RPTOR: variants seen among roughly 807,000 people sequenced by gnomAD.
RPTOR encodes regulatory-associated protein of mTOR.
A neutral mutation model predicts 169.9 loss-of-function variants in RPTOR; 21 were observed. The observed-to-expected ratio is 0.12, with a 90% CI of 0.09 to 0.18. The LOEUF (loss-of-function observed/expected upper bound fraction) is 0.18, where lower values mean the gene tolerates loss of function less well. RPTOR is among the 10% of genes least tolerant of loss of function. The pLI is 1.00. For missense variants in RPTOR, 1,133 were observed against 1,855.9 expected (o/e 0.61, Z 7.16); for synonymous variants, 732 against 753.2 (o/e 0.97, Z 0.46).
intron 17 of RPTOR, among the ~76,000 whole-genome samples, chr17:80,886,942 T>C (rs545341466): frequency 6.6e-6 from 1 of 152,312 alleles, no homozygotes; most frequent in Non-Finnish European, 1.5e-5. Context: ...GGAGAAATAC[T>C]GCCTGGAGTG....
At position 80,604,454 on chromosome 17, in the gene RPTOR, C is replaced by T. The variant is rs562607440; in HGVS notation, c.163-21237C>T. On this transcript the variant is annotated intron_variant, in intron 1 of 33. Coordinates refer to ENST00000306801, the MANE Select transcript of RPTOR (RefSeq NM_020761.3). Reference sequence around the variant, plus strand: ...CATAAATGTAGATAGTATCTTTGGACAAAATAATGAGTTAGTCTTTTGATG... The same window carrying T: ...CATAAATGTAGATAGTATCTTTGGATAAAATAATGAGTTAGTCTTTTGATG... 6.6e-5 allele frequency among the ~76,000 whole-genome samples: 10 copies of T among 152,220 alleles called. No individual in the cohort carries two copies. In the East Asian group the frequency reaches 1.7e-3, roughly 26 times the overall value.
intron 24 of RPTOR, among the ~76,000 whole-genome samples, chr17:80,940,191 T>C (rs1359101557): frequency 3.3e-5 from 5 of 152,188 alleles, no homozygotes; most frequent in African/African-American, 2.4e-5. Context: ...AAAAAACAAA[T>C]GTAAATAACA....
rs371673487 is a variant in RPTOR at position 80,886,631 on chromosome 17, C to T, written c.1983+1483C>T. On this transcript the variant is annotated intron_variant, in intron 17 of 33. Coordinates refer to ENST00000306801, the MANE Select transcript of RPTOR (RefSeq NM_020761.3). ...GTGAGGCGTTCCCCAAGAGCCATCC[C>T]GTGGCCGGGCTGTGGCCCTGTGGTG... Among the ~76,000 whole-genome samples, 63 of 152,362 alleles carry T rather than the reference C, an allele frequency of 4.1e-4. No homozygotes were observed. The East Asian group carries it at 8.3e-3, about 20-fold the overall frequency.
At chr17:80,554,763 CAAAACA>C (rs1568300865) in intron 1 of RPTOR, among the ~76,000 whole-genome samples, 35 of 118,738 alleles carry the variant, frequency 2.9e-4, no homozygotes, top group Admixed American at 9.4e-4. Flanking sequence ...CAAAACAAAA[CAAAACA>C]AACAACAACA....
rs779646811 is a variant in RPTOR, at chr17:80,844,020, C to T, written c.1213-2453C>T. ...AGCAGGACCTGTGAGCTCTCTGTCT[C>T]GCTGAATGGACTTCGCTCCCCTGCA... On this transcript the variant is annotated intron_variant, in intron 10 of 33. Coordinates refer to ENST00000306801, the MANE Select transcript of RPTOR (RefSeq NM_020761.3). The surrounding 1 kb of genome is among the most constrained non-coding windows in gnomAD (Gnocchi z 4.7). 1.5e-4 allele frequency among the ~76,000 whole-genome samples: 23 copies of T among 152,186 alleles called. No individual in the cohort carries two copies. The highest frequency in any genetic ancestry group is 2.2e-4 in the Non-Finnish European group (15 of 68,028).
chr17:80,845,381 C>A lies in RPTOR; in HGVS notation c.1213-1092C>A, dbSNP rs1470709281. Among the ~76,000 whole-genome samples the A allele has an allele frequency of 6.6e-6, 1 of 152,080 alleles. No homozygotes were observed. Among genetic ancestry groups the A allele is most frequent in the Non-Finnish European group, 1.5e-5 (1 of 68,014 alleles). ...GCGCCTTCTCTGTCCAGCTGCAACC[C>A]CTCCTCCCGCCCTCACCCCAGAGAG... On this transcript the variant is annotated intron_variant, in intron 10 of 33. Transcript: ENST00000306801. The surrounding 1 kb of genome is among the most constrained non-coding windows in gnomAD (Gnocchi z 5.4).
chr17:80,879,060 G>T (rs1404828613), intron 13 of RPTOR, among the ~76,000 whole-genome samples: 1 of 152,034 alleles, frequency 6.6e-6, no homozygotes, highest in Non-Finnish European at 1.5e-5. Flanking sequence ...CCTGGCTTGG[G>T]TCAGGTTCTG....
intron 4 of RPTOR, among the ~76,000 whole-genome samples, chr17:80,719,011 C>G (rs1043964836): frequency 2.0e-5 from 3 of 152,144 alleles, no homozygotes; most frequent in South Asian, 4.1e-4. Flanking sequence ...TTAGAGGGAG[C>G]AGGTGAGACC....
At position 80,721,792 on chromosome 17, in the gene RPTOR, G is replaced by A. The variant is rs906951205; in HGVS notation, c.508-8768G>A. On this transcript the variant is annotated intron_variant, in intron 4 of 33. Coordinates refer to ENST00000306801, the MANE Select transcript of RPTOR (RefSeq NM_020761.3). This position sits in a 1 kb window ranked among gnomAD's most constrained non-coding sequence, Gnocchi z 4.7. ...GTTATTTATTAATAGGCTTAAGATAGCCAGAAGGACATTTCTGCTAGAAAG... is the reference window on the plus strand; with the variant it reads ...GTTATTTATTAATAGGCTTAAGATAACCAGAAGGACATTTCTGCTAGAAAG... 2.0e-5 allele frequency among the ~76,000 whole-genome samples: 3 copies of A among 151,282 alleles called. No individual in the cohort carries two copies. The highest frequency in any genetic ancestry group is 2.1e-4 in the South Asian group (1 of 4,836).
chr17:80,821,997 G>A (rs1567930713), intron 7 of RPTOR, among the ~76,000 whole-genome samples: 1 of 152,228 alleles, frequency 6.6e-6, no homozygotes, highest in Non-Finnish European at 1.5e-5. Flanking sequence ...CGGGAAGGAG[G>A]AAAGCTGCAG....
intron 5 of RPTOR, among the ~76,000 whole-genome samples, chr17:80,732,574 G>A (rs1005129605): frequency 1.3e-5 from 2 of 152,158 alleles, no homozygotes; most frequent in South Asian, 2.1e-4. Flanking sequence ...CTGAGTTGGC[G>A]AATAGATGGC....
At chr17:80,859,440 G>A (rs2067892883) in intron 13 of RPTOR, among the ~76,000 whole-genome samples, 1 of 152,204 alleles carries the variant, frequency 6.6e-6, no homozygotes, top group Non-Finnish European at 1.5e-5. Context: ...TCCCAGAGAT[G>A]CCTTTGCCTT....
intron 22 of RPTOR, among the ~76,000 whole-genome samples, chr17:80,923,191 C>G (rs2068767506): frequency 6.6e-6 from 1 of 152,242 alleles, no homozygotes; most frequent in Non-Finnish European, 1.5e-5. Flanking sequence ...GTGTGCTGAG[C>G]TCGCACATCC....
rs534150366 is a variant in RPTOR at position 80,910,602 on chromosome 17, G to A, written c.2520+1673G>A. ...AGGGTCTGCAGGGTCGAGGAGCCACGGCTTCCCATCCTAGTCCATCGCTTT... is the reference window on the plus strand; with the variant it reads ...AGGGTCTGCAGGGTCGAGGAGCCACAGCTTCCCATCCTAGTCCATCGCTTT... On this transcript the variant is annotated intron_variant, in intron 21 of 33. Transcript: ENST00000306801. 8.5e-5 allele frequency among the ~76,000 whole-genome samples: 13 copies of A among 152,158 alleles called. No individual in the cohort carries two copies. The East Asian group carries it at 2.3e-3, about 27-fold the overall frequency.
At chr17:80,676,734 T>G (rs914513008) in intron 3 of RPTOR, among the ~76,000 whole-genome samples, 7 of 152,242 alleles carry the variant, frequency 4.6e-5, no homozygotes, top group African/African-American at 1.7e-4. Context: ...GTGGCTGAAC[T>G]GCGGTCCCCA....
chr17:80,864,545 T>C (rs2067965161), intron 13 of RPTOR, among the ~76,000 whole-genome samples: 1 of 152,180 alleles, frequency 6.6e-6, no homozygotes, highest in African/African-American at 2.4e-5. Context: ...CTATACCCAC[T>C]GAAAATATAT....
chr17:80,816,464 C>T (rs1326095221), intron 7 of RPTOR, among the ~76,000 whole-genome samples: 2 of 152,320 alleles, frequency 1.3e-5, no homozygotes, highest in East Asian at 1.9e-4. Context: ...ATTTTACACA[C>T]GTTCCGCTTG....
In RPTOR at chr17:80,708,588, T is replaced by C. The variant is rs890748005; in HGVS notation, c.507+589T>C. Among the ~76,000 whole-genome samples the C allele has an allele frequency of 6.9e-6, 1 of 145,412 alleles. No individual in the cohort carries two copies. The highest frequency in any genetic ancestry group is 2.6e-5 in the African/African-American group (1 of 37,766). On this transcript the variant is annotated intron_variant, in intron 4 of 33. Coordinates refer to ENST00000306801, the MANE Select transcript of RPTOR (RefSeq NM_020761.3). This position sits in a 1 kb window ranked among gnomAD's most constrained non-coding sequence, Gnocchi z 4.2. ...CCAGGGTGTGGTGGGTGCTGACTGT[T>C]GTCCCCACCCTCCAGGGTGTGGTGG... is the stretch of plus-strand genomic sequence containing the variant.
intron 6 of RPTOR, 98 bp from the exon 7 acceptor site, chr17:80,791,352 T>A: frequency 1.0e-6 from 1 of 998,912 alleles, no homozygotes; most frequent in Non-Finnish European, 1.5e-6. Context: ...TGGTAGTCCC[T>A]GTCCCCACCT....
Sources: gnomAD v4.1 joint callset for allele counts (sites outside exome capture counted in the v4.1 genomes callset) on GRCh38, gnomAD v4.1.1 for gene constraint, Gnocchi (gnomAD v3.1) non-coding constraint, MANE v1.5 for transcripts, NCBI Gene and HGNC (gene_info 2026-07-23, HGNC 2026-07-21) for gene names.